Variants in CCSER1 observed in about 807,000 individuals in gnomAD.
The protein encoded by CCSER1 is serine-rich coiled-coil domain-containing protein 1.
Under a neutral mutation model 82.0 loss-of-function variants are expected in CCSER1, and 41 were observed. The ratio of observed to expected loss-of-function variants is 0.50; its 90% CI spans 0.39 to 0.65. The LOEUF (loss-of-function observed/expected upper bound fraction) is 0.65, where lower values mean the gene tolerates loss of function less well. Among genes scored for constraint, CCSER1 ranks in the 30% least tolerant of loss-of-function variants. The pLI is 0.00. For missense variants in CCSER1, 1,119 were observed against 1,064.2 expected (o/e 1.05, Z -0.72); for synonymous variants, 414 against 383.9 (o/e 1.08, Z -0.92).
chr4:90,215,000 G>A (rs1415099903), intron 1 of CCSER1, among the ~76,000 whole-genome samples: 1 of 152,146 alleles, frequency 6.6e-6, no homozygotes, highest in Non-Finnish European at 1.5e-5. Flanking sequence ...AGGGAAGAAA[G>A]ATGAGTATGA....
intron 8 of CCSER1, among the ~76,000 whole-genome samples, chr4:90,908,040 A>G (rs1451178181): frequency 6.6e-6 from 1 of 152,156 alleles, no homozygotes; most frequent in Non-Finnish European, 1.5e-5. Flanking sequence ...CTAAAAGTAT[A>G]TAAGGAAGTG....
chr4:91,180,503 G>A (rs1350746625), intron 10 of CCSER1, among the ~76,000 whole-genome samples: 1 of 152,222 alleles, frequency 6.6e-6, no homozygotes, highest in South Asian at 2.1e-4. Context: ...TCAAGCCTCA[G>A]CAATGGCGGA....
chr4:91,145,785 C>T (rs994703256), intron 10 of CCSER1, among the ~76,000 whole-genome samples: 9 of 152,124 alleles, frequency 5.9e-5, no homozygotes, highest in African/African-American at 1.7e-4. Flanking sequence ...GACTCCTAAT[C>T]TCTTCTGGCT....
At chr4:90,203,471 T>C (rs1738155306) in intron 1 of CCSER1, among the ~76,000 whole-genome samples, 1 of 152,176 alleles carries the variant, frequency 6.6e-6, no homozygotes, top group Non-Finnish European at 1.5e-5. Context: ...CCTGTGTTAG[T>C]TTGCTGAGAA....
At chr4:91,301,095 A>C (rs1260937266) in intron 10 of CCSER1, among the ~76,000 whole-genome samples, 1 of 151,888 alleles carries the variant, frequency 6.6e-6, no homozygotes, top group Non-Finnish European at 1.5e-5. Context: ...TGCATACATA[A>C]TATGCACAAT....
At chr4:91,021,063 C>A (rs1739916722) in intron 9 of CCSER1, among the ~76,000 whole-genome samples, 1 of 151,944 alleles carries the variant, frequency 6.6e-6, no homozygotes, top group African/African-American at 2.4e-5. Flanking sequence ...GAGATTATGC[C>A]AACTTATTTT....
intron 8 of CCSER1, among the ~76,000 whole-genome samples, chr4:90,868,561 CATT>C (rs1766036907): frequency 6.6e-6 from 1 of 152,042 alleles, no homozygotes; most frequent in Non-Finnish European, 1.5e-5. Flanking sequence ...GATTAGTACT[CATT>C]GTGTGTGTGT....
At chr4:91,046,605 C>A (rs961784172) in intron 9 of CCSER1, among the ~76,000 whole-genome samples, 2 of 152,240 alleles carry the variant, frequency 1.3e-5, no homozygotes, top group African/African-American at 4.8e-5. Flanking sequence ...ATGGATGAAC[C>A]AGATCTCTTT....
chr4:91,468,890 G>A (rs1045229222), intron 10 of CCSER1, among the ~76,000 whole-genome samples: 2 of 151,952 alleles, frequency 1.3e-5, no homozygotes, highest in Non-Finnish European at 2.9e-5. Context: ...TGATACTAAG[G>A]CTATCATAAA....
chr4:90,200,012 G>A (rs1156552694), intron 1 of CCSER1, among the ~76,000 whole-genome samples: 1 of 150,320 alleles, frequency 6.7e-6, no homozygotes, highest in Non-Finnish European at 1.5e-5. Flanking sequence ...ACATTTCCTC[G>A]ATCCCCTACC....
rs539540143 is a variant in CCSER1 at position 91,437,917 on chromosome 4, G to C, written c.2218-160655G>C. ...TGAGATCAAACTGCAAGGCAGCAGC[G>C]AGGCAGGGGGAGGGGCGCCCGCCAT... On this transcript the variant is annotated intron_variant, in intron 10 of 10. Transcript: ENST00000509176. 3.6e-3 allele frequency among the ~76,000 whole-genome samples: 545 copies of C among 152,324 alleles called. 2 individuals are homozygous for C. Among genetic ancestry groups the C allele is most frequent in the African/African-American group, 0.013 (527 of 41,580 alleles).
At chr4:91,549,167 A>G (rs1461882427) in intron 10 of CCSER1, among the ~76,000 whole-genome samples, 1 of 151,970 alleles carries the variant, frequency 6.6e-6, no homozygotes, top group Non-Finnish European at 1.5e-5. Context: ...CATCAAAGTC[A>G]TTCTTTATGT....
intron 1 of CCSER1, among the ~76,000 whole-genome samples, chr4:90,233,254 A>T (rs981186792): frequency 1.3e-5 from 2 of 152,122 alleles, no homozygotes; most frequent in Non-Finnish European, 2.9e-5. Flanking sequence ...CTGGATTAAG[A>T]AAATGTGGCA....
chr4:91,021,778 C>T (rs546330283), intron 9 of CCSER1, among the ~76,000 whole-genome samples: 50 of 152,206 alleles, frequency 3.3e-4, no homozygotes, highest in African/African-American at 1.2e-3. Context: ...CTGGCAGGAA[C>T]AGTGACAACA....
At chr4:91,162,244 C>G (rs1054005434) in intron 10 of CCSER1, among the ~76,000 whole-genome samples, 1 of 152,128 alleles carries the variant, frequency 6.6e-6, no homozygotes, top group South Asian at 2.1e-4. Context: ...TATTGATTTG[C>G]ATATGTTGAA....
chr4:90,744,971 A>G (rs1301371319), intron 7 of CCSER1, among the ~76,000 whole-genome samples: 4 of 151,062 alleles, frequency 2.6e-5, no homozygotes, highest in African/African-American at 9.8e-5. Flanking sequence ...ATATATATAT[A>G]TGTACTGCTA....
intron 4 of CCSER1, among the ~76,000 whole-genome samples, chr4:90,452,611 T>C (rs1032214188): frequency 6.6e-6 from 1 of 152,202 alleles, no homozygotes; most frequent in Non-Finnish European, 1.5e-5. Flanking sequence ...CCCATGGCCA[T>C]TGCCTTCCTT....
At chr4:91,017,692 T>C (rs1042759224) in intron 9 of CCSER1, among the ~76,000 whole-genome samples, 10 of 152,218 alleles carry the variant, frequency 6.6e-5, no homozygotes, top group Admixed American at 5.9e-4. Context: ...AAAGTACATT[T>C]TGAGGGCTTC....
Position 90,378,384 on chromosome 4 carries a change from A to G in CCSER1, c.1510-21652A>G, listed in dbSNP as rs1446273511. Among the ~76,000 whole-genome samples, 3 of 152,316 alleles carry G rather than the reference A, an allele frequency of 2.0e-5. No individual in the cohort carries two copies. In the East Asian group the frequency reaches 5.8e-4, roughly 29 times the overall value. On this transcript the variant is annotated intron_variant, in intron 3 of 10. Transcript: ENST00000509176. ...TTCTATTGCACAGAGAAAGAGCTTA[A>G]GTCTTTAAGAGGGTAAGTGACCCAA...
Sources: gnomAD v4.1 joint callset for allele counts (sites outside exome capture counted in the v4.1 genomes callset) on GRCh38, gnomAD v4.1.1 for gene constraint, MANE v1.5 for transcripts, NCBI Gene and HGNC (gene_info 2026-07-23, HGNC 2026-07-21) for gene names.